Variants in PODNL1 observed in about 807,000 individuals in gnomAD.
PODNL1 encodes the protein podocan-like protein 1.
Under a neutral mutation model 45.1 loss-of-function variants are expected in PODNL1, and 50 were observed. The ratio of observed to expected loss-of-function variants is 1.11; its 90% CI spans 0.88 to 1.40. PODNL1 has a LOEUF of 1.40. PODNL1 is among the 40% of genes most tolerant of loss of function. The pLI is 0.00. For synonymous variants in PODNL1, 406 were observed against 372.5 expected (o/e 1.09, Z -1.04); for missense variants, 788 against 793.3 (o/e 0.99, Z 0.08).
chr19:13,952,899 C>T (rs1183909314), intron 1 of PODNL1: 4 of 780,796 alleles, frequency 5.1e-6, no homozygotes, highest in African/African-American at 2.1e-5. Context: ...GGCGGGGCCC[C>T]AGGGAGGGGG....
Position 13,937,775 on chromosome 19 carries a change from T to C in PODNL1, c.225+10A>G, listed in dbSNP as rs1274885971. ...CCCTGCATGCCCCCACTCCCCTCCG[T>C]GGGCCCCACCTGCAGGGAGAGGTGC... On this transcript the variant is annotated intron_variant, in intron 2 of 9. Coordinates refer to ENST00000588872, the MANE Select transcript of PODNL1 (RefSeq NM_001370095.3). 14 of 1,569,654 alleles carry C rather than the reference T, an allele frequency of 8.9e-6. No homozygotes were observed. The highest frequency in any genetic ancestry group is 1.3e-5 in the African/African-American group (1 of 74,270).
At chr19:13,952,593 GGCA>G in intron 1 of PODNL1, 1 of 1,266,788 alleles carries the variant, frequency 7.9e-7, no homozygotes, top group Non-Finnish European at 1.0e-6. Flanking sequence ...GAGGGAAGCG[GGCA>G]GCAGGGCGGC....
intron 5 of PODNL1, 102 bp from the exon 6 acceptor site, chr19:13,934,512 T>C: frequency 1.8e-6 from 2 of 1,090,046 alleles, no homozygotes; most frequent in Non-Finnish European, 2.5e-6. Context: ...TGTGTGTGTG[T>C]GTGTGTGTGT....
chr19:13,932,529 G>GT (rs1171358007), intron 8 of PODNL1: 29 of 836,366 alleles, frequency 3.5e-5, no homozygotes, highest in Non-Finnish European at 4.9e-5. Context: ...GCTTGGCTAT[G>GT]TTTTTTTGGT....
At position 13,932,815 on chromosome 19, in the gene PODNL1, C is replaced by T. The variant is rs1024779725; in HGVS notation, c.1408G>A (p.Glu470Lys). 1.9e-6 allele frequency: 3 copies of T among 1,612,900 alleles called. No individual in the cohort carries two copies. Among genetic ancestry groups the T allele is most frequent in the Non-Finnish European group, 2.5e-6 (3 of 1,180,024 alleles). The change falls in exon 8 of 10, where the codon GAG becomes AAG. Residue 470 changes from glutamate to lysine, a missense_variant. Glu to Lys is a moderately conservative substitution (Grantham distance 56). This residue lies in a region of PODNL1 where 762 missense variants were observed against 750.9 expected (regional missense o/e 1.01). Coordinates refer to ENST00000588872, the MANE Select transcript of PODNL1 (RefSeq NM_001370095.3). ...VGDIGPGTWH[E>K]LQALQMLDLS... ...TGCCTGACCTGGAGGGCTTGGAGCT[C>T]ATGCCAGGTGCCTGGCCCGATGTCG... is the stretch of plus-strand genomic sequence containing the variant.
At chr19:13,936,180 C>G in intron 3 of PODNL1, 136 bp from the exon 4 acceptor site, 4 of 932,528 alleles carry the variant, frequency 4.3e-6, no homozygotes, top group Non-Finnish European at 6.5e-6. Flanking sequence ...CCCTCCTCCC[C>G]ATCCCTACTC....
intron 6 of PODNL1, 43 bp from the exon 7 acceptor site, chr19:13,934,036 G>T: frequency 6.5e-7 from 1 of 1,536,182 alleles, no homozygotes; most frequent in Non-Finnish European, 8.9e-7. Context: ...CTGGGATGAG[G>T]GCAGCGGGAA....
At chr19:13,946,468 A>G (rs913265059) in intron 1 of PODNL1, among the ~76,000 whole-genome samples, 1 of 152,016 alleles carries the variant, frequency 6.6e-6, no homozygotes, top group South Asian at 2.1e-4. Flanking sequence ...ACTACTGCAT[A>G]AAAGTGGGAT....
chr19:13,942,274 C>A (rs1040521203), upstream of PODNL1, among the ~76,000 whole-genome samples: 2 of 152,176 alleles, frequency 1.3e-5, no homozygotes, highest in African/African-American at 4.8e-5. Flanking sequence ...TAGATGAATT[C>A]TCTCTTGAAC....
rs1972313516 is a variant in PODNL1, at chr19:13,935,894, C to T, written c.385-64G>A. 3 of 1,543,838 alleles carry T rather than the reference C, an allele frequency of 1.9e-6. No individual in the cohort carries two copies. In the African/African-American group the frequency reaches 4.1e-5, roughly 21 times the overall value. ...CGCCTTGGCCCCACCACTTCCCCAG[C>T]AGAGCTGTCCCCTCCACACCCTGGG... On this transcript the variant is annotated intron_variant, in intron 4 of 9. Coordinates refer to ENST00000588872, the MANE Select transcript of PODNL1 (RefSeq NM_001370095.3).
upstream of PODNL1, among the ~76,000 whole-genome samples, chr19:13,943,025 C>T (rs112732476): frequency 0.025 from 3,629 of 147,890 alleles, 111 homozygotes; most frequent in African/African-American, 0.072. Context: ...GGGCCAGGCA[C>T]GGTGTCTCAT....
At chr19:13,948,511 C>T (rs1050724648) in intron 1 of PODNL1, among the ~76,000 whole-genome samples, 3 of 150,920 alleles carry the variant, frequency 2.0e-5, no homozygotes, top group Non-Finnish European at 4.4e-5. Flanking sequence ...CATGCCCGGC[C>T]GTATTCTCCA....
chr19:13,933,440 A>T lies in PODNL1; in HGVS notation c.783T>A (p.Leu261=). 2.5e-6 allele frequency: 4 copies of T among 1,574,406 alleles called. No individual in the cohort carries two copies. Among genetic ancestry groups the T allele is most frequent in the Non-Finnish European group, 3.4e-6 (4 of 1,161,048 alleles). ...GGTTGTGGGAGAGATCCAGGTATTCAAGGCTATGCAGCTTGCTGGAAGGAG... is the reference window on the plus strand; with the variant it reads ...GGTTGTGGGAGAGATCCAGGTATTCTAGGCTATGCAGCTTGCTGGAAGGAG... ...DATTFSKLHS[L]EYLDLSHNQL... is the part of the protein sequence containing the mutation. Residue 261 remains leucine, a synonymous_variant, in exon 8 of 10, where the codon CTT becomes CTA. Coordinates refer to ENST00000588872, the MANE Select transcript of PODNL1 (RefSeq NM_001370095.3). This position sits in a 1 kb window ranked among gnomAD's most constrained non-coding sequence, Gnocchi z 5.2.
rs980785542 is a variant in PODNL1 at position 13,953,024 on chromosome 19, T to G, written c.18+95A>C. Reference sequence around the variant, plus strand: ...CCATAATGGAACCTTCCCGCCCCCTTTGCAGAGCCCCTGCCGCTGGCTTTG... The same window carrying G: ...CCATAATGGAACCTTCCCGCCCCCTGTGCAGAGCCCCTGCCGCTGGCTTTG... On this transcript the variant is annotated intron_variant, in intron 1 of 7. Coordinates refer to the PODNL1 transcript ENST00000538371. 26 of 1,399,224 alleles carry G rather than the reference T, an allele frequency of 1.9e-5. No individual in the cohort carries two copies. In the Admixed American group the frequency reaches 5.1e-4, roughly 28 times the overall value. 86.7% of individuals were successfully genotyped at this position (1,399,224 alleles called of 1,614,324 possible). A position where few individuals can be genotyped will look rare whatever the true frequency, so the allele number is the denominator to read the frequency against.
At chr19:13,935,866 G>A in intron 4 of PODNL1, 36 bp from the exon 5 acceptor site, 1 of 1,572,320 alleles carries the variant, frequency 6.4e-7, no homozygotes, top group Non-Finnish European at 8.6e-7. Flanking sequence ...ACTGGTCCTG[G>A]TGCGCCTTGG....
Position 13,932,900 on chromosome 19 carries a change from A to G in PODNL1, c.1323T>C (p.Pro441=), listed in dbSNP as rs765443291. The change falls in exon 8 of 10, where the codon CCT becomes CCC. Residue 441 remains proline, a synonymous_variant. Transcript: ENST00000588872. The part of the protein sequence containing the change: ...RNQLRMLEPE[P]LAGLDQLREL... ...CCCGCAGTTGGTCCAGGCCGGCCAG[A>G]GGCTCGGGCTCGAGCATCCGCAGCT... The G allele has an allele frequency of 6.3e-7, 1 of 1,597,614 alleles. No homozygotes were observed. The highest frequency in any genetic ancestry group is 1.1e-5 in the South Asian group (1 of 89,836).
At chr19:13,949,725 G>T (rs1972937840) in intron 1 of PODNL1, 1 of 152,146 alleles carries the variant, frequency 6.6e-6, no homozygotes, top group African/African-American at 2.4e-5. Flanking sequence ...TTTGAGACAG[G>T]ATCTCACTCT....
At chr19:13,953,239 C>G in exon 1 of PODNL1, 1 of 1,159,646 alleles carries the variant, frequency 8.6e-7, no homozygotes, top group Non-Finnish European at 1.2e-6. Flanking sequence ...ACTCCCAGAG[C>G]TGGGGGATGA....
At position 13,933,523 on chromosome 19, in the gene PODNL1, G is replaced by T; in HGVS notation, c.768-68C>A. The T allele has an allele frequency of 6.8e-7, 1 of 1,462,862 alleles. No individual in the cohort carries two copies. 90.6% of individuals were successfully genotyped at this position (1,462,862 alleles called of 1,614,324 possible). A position where few individuals can be genotyped will look rare whatever the true frequency, so the allele number is the denominator to read the frequency against. ...GGGGTGCCTGACAGATTTTGGCGGG[G>T]AGGCTGGGGAGTGGTCCTGAGACAG... On this transcript the variant is annotated intron_variant, in intron 7 of 9. Transcript: ENST00000588872. This position sits in a 1 kb window ranked among gnomAD's most constrained non-coding sequence, Gnocchi z 5.2.
Sources: gnomAD v4.1 joint callset for allele counts (sites outside exome capture counted in the v4.1 genomes callset) on GRCh38, gnomAD v4.1.1 for gene constraint, gnomAD v4.1.1 regional missense constraint, Gnocchi (gnomAD v3.1) non-coding constraint, MANE v1.5 for transcripts, NCBI Gene and HGNC (gene_info 2026-07-23, HGNC 2026-07-21) for gene names.